The following MIB1 variants were observed in gnomAD, a reference collection of about 807,000 sequenced individuals.
MIB1 encodes the protein E3 ubiquitin-protein ligase MIB1.
Under a neutral mutation model 124.5 loss-of-function variants are expected in MIB1, and 278 were observed. That is an observed-to-expected ratio of 2.23 (90% CI 2.02 to 2.47). The LOEUF is 2.47. Among genes scored for constraint, MIB1 ranks in the 30% most tolerant of loss-of-function variants. The pLI is 0.00. For missense variants in MIB1, 957 were observed against 1,254.4 expected, an observed-to-expected ratio of 0.76 and a Z score of 3.58; for synonymous variants, 446 against 429.4, an observed-to-expected ratio of 1.04 and a Z score of -0.48.
chr18:21,705,903 G>A (rs145988882), intron 1 of MIB1, among the ~76,000 whole-genome samples: 8 of 152,202 alleles, frequency 5.3e-5, no homozygotes, highest in East Asian at 3.9e-4. Context: ...TGGACTCCCC[G>A]TGAGCAGAAG....
intron 1 of MIB1, among the ~76,000 whole-genome samples, chr18:21,743,667 C>G (rs1005094512): frequency 6.6e-6 from 1 of 151,944 alleles, no homozygotes; most frequent in East Asian, 1.9e-4. Context: ...TGTTTTGTTA[C>G]CTGCAGCCTT....
chr18:21,750,183 G>A lies in MIB1; in HGVS notation c.229+8371G>A, dbSNP rs368798707. Among the ~76,000 whole-genome samples, 8 of 152,064 alleles carry A rather than the reference G, an allele frequency of 5.3e-5. No individual in the cohort carries two copies. The East Asian group carries it at 1.5e-3, about 29-fold the overall frequency. The stretch of plus-strand genomic sequence containing the variant: ...CTCACTCTGTTGCCCAGGCTGGAGT[G>A]CAATGGCATGATCTCAGCTCACTGC... On this transcript the variant is annotated intron_variant, in intron 1 of 20. Transcript: ENST00000261537.
intron 7 of MIB1, among the ~76,000 whole-genome samples, chr18:21,797,261 A>G (rs1250000245): frequency 6.6e-6 from 1 of 152,150 alleles, no homozygotes; most frequent in Non-Finnish European, 1.5e-5. Flanking sequence ...ATGAGCTGAT[A>G]ATTGTTACAA....
intron 15 of MIB1, 97 bp from the exon 16 acceptor site, chr18:21,846,847 C>T (rs1321665437): frequency 1.7e-6 from 2 of 1,170,380 alleles, no homozygotes; most frequent in East Asian, 2.4e-5. Flanking sequence ...AGGACTAGAA[C>T]TCATAAGTGT....
chr18:21,784,877 A>T (rs2041416412), intron 6 of MIB1, among the ~76,000 whole-genome samples: 1 of 152,088 alleles, frequency 6.6e-6, no homozygotes, highest in Non-Finnish European at 1.5e-5. Flanking sequence ...GGAAGATCTG[A>T]CATCAGCCAG....
intron 1 of MIB1, among the ~76,000 whole-genome samples, chr18:21,763,881 T>A (rs987538136): frequency 6.6e-6 from 1 of 152,168 alleles, no homozygotes; most frequent in East Asian, 1.9e-4. Flanking sequence ...CCACTTTTAC[T>A]TTTTTCATAT....
rs1165824165 is a variant in MIB1 at position 21,857,228 on chromosome 18, G to A, written c.2764G>A (p.Ala922Thr). The A allele has an allele frequency of 6.2e-7, 1 of 1,612,506 alleles. No homozygotes were observed. The highest frequency in any genetic ancestry group is 1.7e-5 in the Admixed American group (1 of 60,020). ...MCCGGKSSED[A>T]TDDISSGNIP... ...CTGTGGAGGGAAAAGTTCAGAAGAT[G>A]CCACTGATGATATCTGTAAGTCGAT... The change falls in exon 19 of 21, where the codon GCC becomes ACC. Residue 922 changes from alanine (A) to threonine (T), a missense_variant. Transcript: ENST00000261537.
intron 10 of MIB1, among the ~76,000 whole-genome samples, chr18:21,805,996 C>T (rs896443691): frequency 1.3e-5 from 2 of 150,492 alleles, no homozygotes; most frequent in African/African-American, 2.4e-5. Context: ...CTCCGCCTCC[C>T]GGTTCAAGTG....
At chr18:21,736,640 A>C (rs1284947502), upstream of MIB1, among the ~76,000 whole-genome samples, 2 of 152,210 alleles carry the variant, frequency 1.3e-5, no homozygotes, top group African/African-American at 4.8e-5. Flanking sequence ...ATGAATTGCT[A>C]ACTAGAAAAA....
At position 21,838,480 on chromosome 18, in the gene MIB1, G is replaced by A; in HGVS notation, c.1945G>A (p.Glu649Lys). 2 of 1,604,392 alleles carry A rather than the reference G, an allele frequency of 1.2e-6. No individual in the cohort carries two copies. The highest frequency in any genetic ancestry group is 1.7e-6 in the Non-Finnish European group (2 of 1,176,198). The part of the protein sequence containing the change: ...AALNNHVEVA[E>K]LLVHQGNANL... ...CCTTAATAATCACGTAGAAGTGGCT[G>A]AACTGTTGGTACATCAGGTAAGAAA... Residue 649 changes from glutamate (E) to lysine (K), a missense_variant, in exon 13 of 21, where the codon GAA (glutamate) becomes AAA (lysine). Physicochemically the swap from Glu to Lys is moderately conservative, Grantham distance 56 (BLOSUM62 1). Transcript: ENST00000261537.
chr18:21,841,493 T>A (rs570677188), intron 13 of MIB1, among the ~76,000 whole-genome samples: 1 of 152,322 alleles, frequency 6.6e-6, no homozygotes, highest in Admixed American at 6.5e-5. Flanking sequence ...TATTAGTGAT[T>A]AACAAAATAG....
chr18:21,709,533 T>G (rs1261616279), intron 1 of MIB1, among the ~76,000 whole-genome samples: 1 of 152,158 alleles, frequency 6.6e-6, no homozygotes, highest in African/African-American at 2.4e-5. Flanking sequence ...TTTCACTGTA[T>G]CCTTATTTAT....
intron 10 of MIB1, among the ~76,000 whole-genome samples, chr18:21,804,476 G>T (rs998051477): frequency 6.6e-6 from 1 of 152,166 alleles, no homozygotes; most frequent in African/African-American, 2.4e-5. Context: ...CATAATGCAT[G>T]TTTATCACCA....
chr18:21,847,436 T>TAA (rs2042144870), intron 16 of MIB1, among the ~76,000 whole-genome samples: 2 of 152,218 alleles, frequency 1.3e-5, no homozygotes, highest in Non-Finnish European at 2.9e-5. Context: ...AGAAAAAGTC[T>TAA]TCTAGTAAAA....
In MIB1 at chr18:21,752,328, GT is replaced by G. The variant is rs898358164; in HGVS notation, c.229+10525del. On this transcript the variant is annotated intron_variant, in intron 1 of 20. Transcript: ENST00000261537. ...ACTGAAATGTTACATGCTTTATAAA[GT>G]TTTTTTTTAATGAGGAAAATTGCCC... 1.5e-4 allele frequency among the ~76,000 whole-genome samples: 22 copies of G among 151,162 alleles called. No individual in the cohort carries two copies. The Middle Eastern group carries it at 0.01, about 71-fold the overall frequency.
intron 12 of MIB1, among the ~76,000 whole-genome samples, chr18:21,819,887 C>T (rs1051823277): frequency 5.3e-5 from 8 of 152,000 alleles, no homozygotes; most frequent in Non-Finnish European, 4.4e-5. Context: ...ATCAGGAATA[C>T]TAGTTTCTTT....
At chr18:21,760,001 T>C (rs550664208) in intron 1 of MIB1, among the ~76,000 whole-genome samples, 6 of 152,198 alleles carry the variant, frequency 3.9e-5, no homozygotes, top group African/African-American at 1.4e-4. Flanking sequence ...CATTAAAACT[T>C]AGAGCAGATG....
intron 6 of MIB1, among the ~76,000 whole-genome samples, chr18:21,787,237 G>T (rs1327579520): frequency 6.6e-6 from 1 of 152,122 alleles, no homozygotes; most frequent in Non-Finnish European, 1.5e-5. Context: ...AGGAGTGGGG[G>T]TGGATCCCAA....
At chr18:21,779,103 G>T (rs1379746423) in intron 5 of MIB1, among the ~76,000 whole-genome samples, 1 of 152,022 alleles carries the variant, frequency 6.6e-6, no homozygotes, top group Non-Finnish European at 1.5e-5. Flanking sequence ...TAATTCCAGG[G>T]CTTTCATTCA....
Sources: gnomAD v4.1 joint callset for allele counts (sites outside exome capture counted in the v4.1 genomes callset) on GRCh38, gnomAD v4.1.1 for gene constraint, MANE v1.5 for transcripts, NCBI Gene and HGNC (gene_info 2026-07-23, HGNC 2026-07-21) for gene names.